The following DMD variants were observed in gnomAD, a reference collection of about 807,000 sequenced individuals.
DMD encodes dystrophin, also known as mutant dystrophin.
A neutral mutation model predicts 330.1 loss-of-function variants in DMD; 63 were observed. The observed-to-expected ratio is 0.19, with a 90% CI of 0.16 to 0.24. The LOEUF (loss-of-function observed/expected upper bound fraction) is 0.24, where lower values mean the gene tolerates loss of function less well. DMD is among the 10% of genes least tolerant of loss of function. The probability of loss-of-function intolerance (pLI) is 1.00; values close to 1 mark genes in which losing one functional copy is unlikely to be tolerated. For missense variants in DMD, 3,344 were observed against 2,684.1 expected (o/e 1.25, Z -5.43); for synonymous variants, 1,223 against 959.8 (o/e 1.27, Z -5.07).
chrX:32,398,423 G>C (rs1405965475), intron 30 of DMD, among the ~76,000 whole-genome samples: 2 of 109,991 alleles, frequency 1.8e-5, no homozygotes, highest in Non-Finnish European at 3.8e-5. Flanking sequence ...TGAGTTTTGT[G>C]GTATATCAAC....
At chrX:31,490,516 G>A (rs780521277) in intron 57 of DMD, among the ~76,000 whole-genome samples, 8 of 110,887 alleles carry the variant, frequency 7.2e-5, no homozygotes, top group African/African-American at 1.3e-4. Flanking sequence ...AGATCGCACC[G>A]CTGCACTCCA....
chrX:32,856,458 C>T (rs925444125), intron 2 of DMD, among the ~76,000 whole-genome samples: 3 of 109,598 alleles, frequency 2.7e-5, no homozygotes, highest in African/African-American at 9.9e-5. Context: ...TACATATATA[C>T]GTAGTGGAGT....
intron 2 of DMD, among the ~76,000 whole-genome samples, chrX:32,993,419 C>T (rs904035945): frequency 7.3e-5 from 8 of 109,779 alleles, no homozygotes; most frequent in Non-Finnish European, 1.5e-4. Context: ...GCCTGGGCAA[C>T]ACGGTGAAAC....
chrX:33,233,752 T>C (rs1407524463), intron 1 of DMD, among the ~76,000 whole-genome samples: 1 of 111,498 alleles, frequency 9.0e-6, no homozygotes, highest in Non-Finnish European at 1.9e-5. Context: ...GACGCACTAA[T>C]CTACATGTGT....
At chrX:32,288,786 G>A (rs1324841932) in intron 42 of DMD, among the ~76,000 whole-genome samples, 2 of 110,334 alleles carry the variant, frequency 1.8e-5, no homozygotes, top group African/African-American at 3.3e-5. Context: ...GGAGACTGGA[G>A]AGAGAAAAAA....
At chrX:31,779,685 T>TTGTGTGTGTGTGTGTGTGTGTGTG (rs34110475) in intron 50 of DMD, among the ~76,000 whole-genome samples, 1 of 100,137 alleles carries the variant, frequency 1.0e-5, no homozygotes, top group Non-Finnish European at 2.0e-5. Context: ...GATACACACA[T>TTGTGTGTGTGTGTGTGTGTGTGTG]TGTGTGTGTG....
chrX:31,428,697 T>G (rs1236515241), intron 60 of DMD, among the ~76,000 whole-genome samples: 2 of 112,280 alleles, frequency 1.8e-5, no homozygotes, highest in African/African-American at 6.5e-5. Context: ...TTCTGATCTA[T>G]TCACTCGTTC....
Position 33,056,328 on chromosome X carries a change from C to T in DMD, c.32-36128G>A, listed in dbSNP as rs868865182. ...TCTACCTTCTAACTCAATTATCTGA[C>T]CCCTGCGCTCTTTTTTTTTTCTTTT... On this transcript the variant is annotated intron_variant, in intron 1 of 78. Transcript: ENST00000357033. Among the ~76,000 whole-genome samples, 26 of 101,305 alleles carry T rather than the reference C, an allele frequency of 2.6e-4. No individual in the cohort carries two copies. The South Asian group carries it at 4.6e-3, about 18-fold the overall frequency. The allele number at this position is 101,305 out of a possible 115,157, so 88.0% of individuals were successfully genotyped here. A position where few individuals can be genotyped will look rare whatever the true frequency, so the allele number is the denominator to read the frequency against.
intron 60 of DMD, among the ~76,000 whole-genome samples, chrX:31,416,386 T>G (rs1395520222): frequency 8.9e-6 from 1 of 112,433 alleles, no homozygotes; most frequent in Admixed American, 9.4e-5. Flanking sequence ...CTAAAATATT[T>G]TAATGACATC....
At chrX:32,704,766 G>T (rs1052646967) in intron 7 of DMD, among the ~76,000 whole-genome samples, 8 of 111,831 alleles carry the variant, frequency 7.2e-5, no homozygotes, top group African/African-American at 2.3e-4. Context: ...TGGAAAGAAG[G>T]CACTTCTGGT....
intron 26 of DMD, 128 bp downstream of exon 26, chrX:32,454,534 T>G (rs1226270260): frequency 1.9e-6 from 1 of 519,961 alleles, no homozygotes; most frequent in Admixed American, 4.1e-5. Context: ...AAATTATTAA[T>G]TAAAAATCAA....
intron 49 of DMD, among the ~76,000 whole-genome samples, chrX:31,824,599 A>C (rs1033601251): frequency 3.0e-4 from 34 of 111,669 alleles, no homozygotes; most frequent in African/African-American, 1.1e-3. Flanking sequence ...AAGCTAAGAA[A>C]CAAGATTTAT....
chrX:33,139,820 C>T (rs1313609763), intron 1 of DMD, among the ~76,000 whole-genome samples: 1 of 98,924 alleles, frequency 1.0e-5, no homozygotes, highest in African/African-American at 4.0e-5. Context: ...CCTCATCTTG[C>T]GTATTTCTTT....
intron 7 of DMD, among the ~76,000 whole-genome samples, chrX:32,741,353 G>A (rs12010151): frequency 0.16 from 17,597 of 110,879 alleles, 1,749 homozygotes; most frequent in African/African-American, 0.36. Context: ...TCACACATCT[G>A]CAATATATTT....
chrX:32,325,626 T>C (rs770052257), intron 41 of DMD, among the ~76,000 whole-genome samples: 14 of 111,451 alleles, frequency 1.3e-4, no homozygotes, highest in Non-Finnish European at 2.3e-4. Context: ...GCATACCCAA[T>C]TGACAGAAGA....
At chrX:33,008,162 T>C (rs1275580980) in intron 2 of DMD, among the ~76,000 whole-genome samples, 2 of 111,463 alleles carry the variant, frequency 1.8e-5, no homozygotes, top group Non-Finnish European at 3.8e-5. Flanking sequence ...CTATTACTTA[T>C]CTCTGCATAT....
intron 30 of DMD, among the ~76,000 whole-genome samples, chrX:32,407,187 C>A (rs1003393975): frequency 9.0e-6 from 1 of 111,277 alleles, no homozygotes; most frequent in African/African-American, 3.3e-5. Flanking sequence ...AGTGAACAGG[C>A]AACCTACAGA....
chrX:32,386,045 A>C lies in DMD; in HGVS notation c.4674+265T>G, dbSNP rs894211743. The stretch of plus-strand genomic sequence containing the variant: ...CTCCCTGAGCGTTACGTATTTTTCA[A>C]TCTGAATAAGCAGAGCCTCACTGAT... On this transcript the variant is annotated intron_variant, in intron 33 of 78. Coordinates refer to ENST00000357033, the MANE Select transcript of DMD (RefSeq NM_004006.3). Among the ~76,000 whole-genome samples, 5 of 110,333 alleles carry C rather than the reference A, an allele frequency of 4.5e-5. No homozygotes were observed. In the Admixed American group the frequency reaches 4.9e-4, roughly 11 times the overall value.
rs182860411 is a variant in DMD at position 33,322,029 on chromosome X, G to A, written c.7+17230C>T. Among the ~76,000 whole-genome samples the A allele has an allele frequency of 2.8e-3, 309 of 111,957 alleles. 1 individual carries two copies. The highest frequency in any genetic ancestry group is 9.7e-3 in the African/African-American group (301 of 30,893). On this transcript the variant is annotated intron_variant, in intron 1 of 17. Transcript: ENST00000288447. ...TCTTGGTTAAGGGAATATTGTGGCT[G>A]GTTTGATCTGTCTAGACCATTTAAA...
Sources: gnomAD v4.1 joint callset for allele counts (sites outside exome capture counted in the v4.1 genomes callset) on GRCh38, gnomAD v4.1.1 for gene constraint, MANE v1.5 for transcripts, NCBI Gene and HGNC (gene_info 2026-07-23, HGNC 2026-07-21) for gene names.